MLLT3: variants seen among roughly 807,000 people sequenced by gnomAD.
MLLT3 encodes MLLT3 super elongation complex subunit.
MLLT3 carries 4 observed loss-of-function variants against 53.2 expected under a neutral mutation model. The observed-to-expected ratio is 0.08, with a 90% CI of 0.04 to 0.17. The LOEUF (loss-of-function observed/expected upper bound fraction) is 0.17, where lower values mean the gene tolerates loss of function less well. Ranked by LOEUF, MLLT3 falls within the 10% of genes least tolerant of loss-of-function variation. The pLI, the probability that MLLT3 is intolerant of heterozygous loss-of-function variation, is 1.00. For synonymous variants in MLLT3, 283 were observed against 230.6 expected, an observed-to-expected ratio of 1.23 and a Z score of -2.06; for missense variants, 569 against 684.0, an observed-to-expected ratio of 0.83 and a Z score of 1.87.
At position 20,346,241 on chromosome 9, in the gene MLLT3, TA is replaced by T. The variant is rs1327560221; in HGVS notation, c.*201del. 3.7e-6 allele frequency: 2 copies of T among 539,706 alleles called. No homozygotes were observed. The highest frequency in any genetic ancestry group is 7.6e-5 in the Admixed American group (2 of 26,394). 33.4% of individuals were successfully genotyped at this position (539,706 alleles called of 1,614,324 possible). Reference sequence around the variant, plus strand: ...GTGGTCCGCTGAGGCTGGTTTGCTTTAACCTCTCCTTTATCAAGAGATGATG... The same window carrying T: ...GTGGTCCGCTGAGGCTGGTTTGCTTTACCTCTCCTTTATCAAGAGATGATG... On this transcript the variant is annotated 3_prime_UTR_variant, in exon 11 of 11. Coordinates refer to ENST00000380338, the MANE Select transcript of MLLT3 (RefSeq NM_004529.4).
At chr9:20,607,845 C>T (rs1428707698) in intron 2 of MLLT3, among the ~76,000 whole-genome samples, 1 of 151,916 alleles carries the variant, frequency 6.6e-6, no homozygotes, top group African/African-American at 2.4e-5. Context: ...AATTAACCTC[C>T]TCATTTTGCG....
intron 2 of MLLT3, among the ~76,000 whole-genome samples, chr9:20,564,503 C>T (rs1163720158): frequency 1.3e-5 from 2 of 152,140 alleles, no homozygotes; most frequent in African/African-American, 2.4e-5. Flanking sequence ...ATAGCCTTTG[C>T]GTTCTCCAGC....
chr9:20,512,988 A>G (rs1271089595), intron 2 of MLLT3, among the ~76,000 whole-genome samples: 4 of 152,268 alleles, frequency 2.6e-5, no homozygotes, highest in Non-Finnish European at 5.9e-5. Flanking sequence ...CACATAAGAC[A>G]CCATATTAAG....
intron 2 of MLLT3, among the ~76,000 whole-genome samples, chr9:20,595,566 G>A (rs1321011763): frequency 1.3e-5 from 2 of 152,024 alleles, no homozygotes; most frequent in Non-Finnish European, 2.9e-5. Flanking sequence ...TCTATCATTT[G>A]AAACATAAGC....
chr9:20,617,258 A>T (rs1489029722), intron 2 of MLLT3, among the ~76,000 whole-genome samples: 4 of 152,178 alleles, frequency 2.6e-5, no homozygotes, highest in Non-Finnish European at 4.4e-5. Flanking sequence ...CCTTGATAAA[A>T]ACTTACCCAA....
intron 5 of MLLT3, among the ~76,000 whole-genome samples, chr9:20,406,693 G>A (rs1451730268): frequency 1.3e-5 from 2 of 152,132 alleles, no homozygotes; most frequent in Non-Finnish European, 2.9e-5. Context: ...CTATGACCGT[G>A]AAAGGCAAGA....
At chr9:20,424,404 A>G (rs1482016128) in intron 4 of MLLT3, among the ~76,000 whole-genome samples, 1 of 152,194 alleles carries the variant, frequency 6.6e-6, no homozygotes, top group Non-Finnish European at 1.5e-5. Context: ...GGGTTTCAGA[A>G]AACTGCAAGA....
chr9:20,359,562 A>C (rs1458634767), intron 8 of MLLT3, among the ~76,000 whole-genome samples: 1 of 152,264 alleles, frequency 6.6e-6, no homozygotes, highest in Non-Finnish European at 1.5e-5. Flanking sequence ...ATTCCTACTT[A>C]ACAAGAACGG....
intron 2 of MLLT3, among the ~76,000 whole-genome samples, chr9:20,616,251 A>C (rs764488107): frequency 4.6e-5 from 7 of 152,308 alleles, no homozygotes; most frequent in Admixed American, 6.5e-5. Flanking sequence ...CCATACAAGG[A>C]GTCTCTTAAA....
intron 2 of MLLT3, among the ~76,000 whole-genome samples, chr9:20,574,734 C>T (rs1478949661): frequency 6.6e-6 from 1 of 152,124 alleles, no homozygotes; most frequent in African/African-American, 2.4e-5. Context: ...GTTAAGGTGG[C>T]TGTGGCAACT....
intron 1 of MLLT3, 37 bp downstream of exon 1, chr9:20,622,208 G>A (rs1334163993): frequency 6.3e-7 from 1 of 1,588,238 alleles, no homozygotes; most frequent in Non-Finnish European, 8.6e-7. Context: ...AAGGAAAGTG[G>A]GGGAGGGCTT....
intron 2 of MLLT3, among the ~76,000 whole-genome samples, chr9:20,508,119 T>G (rs919944661): frequency 3.3e-5 from 5 of 152,172 alleles, no homozygotes; most frequent in Admixed American, 1.3e-4. Context: ...ATCACAGATT[T>G]TGAAACTGCT....
chr9:20,570,572 C>T lies in MLLT3; in HGVS notation c.193+50082G>A, dbSNP rs116086138. Among the ~76,000 whole-genome samples, 1,409 of 152,250 alleles carry T rather than the reference C, an allele frequency of 9.3e-3. 18 individuals carry two copies. Among genetic ancestry groups the T allele is most frequent in the African/African-American group, 0.03 (1,233 of 41,540 alleles). ...TCTATAACAACAAAACAGATTTAGA[C>T]ATATGTACATTTATGACATGAGTAG... On this transcript the variant is annotated intron_variant, in intron 2 of 10. Transcript: ENST00000380338.
intron 2 of MLLT3, among the ~76,000 whole-genome samples, chr9:20,569,577 T>C (rs1819475078): frequency 6.6e-6 from 1 of 152,150 alleles, no homozygotes; most frequent in Non-Finnish European, 1.5e-5. Context: ...TATAATATGC[T>C]TGATATTTCA....
chr9:20,582,761 T>C (rs2131176135), intron 2 of MLLT3, among the ~76,000 whole-genome samples: 1 of 152,210 alleles, frequency 6.6e-6, no homozygotes, highest in East Asian at 1.9e-4. Context: ...AGACATACTA[T>C]CGTGAGAATA....
chr9:20,418,647 C>T (rs947461265), intron 4 of MLLT3, among the ~76,000 whole-genome samples: 2 of 151,960 alleles, frequency 1.3e-5, no homozygotes, highest in African/African-American at 4.8e-5. Context: ...GCTGTGTTGC[C>T]CAGGCTGGAA....
At position 20,414,413 on chromosome 9, in the gene MLLT3, T is replaced by C. The variant is rs1167034803; in HGVS notation, c.433A>G (p.Ser145Gly). ...LLKAGGDPNR[S>G]IHTSSSSSSS... ...CTGCTGCTGCTGCTGGTATGAATAC[T>C]CCTATTAGGGTCCTGCAAAAAGGGG... Residue 145 changes from serine to glycine, a missense_variant, in exon 5 of 11, where the codon AGT becomes GGT. This residue lies in a region of MLLT3 where 39 missense variants were observed against 68.8 expected (regional missense o/e 0.57). Coordinates refer to ENST00000380338, the MANE Select transcript of MLLT3 (RefSeq NM_004529.4). The C allele has an allele frequency of 4.4e-6, 7 of 1,607,522 alleles. No homozygotes were observed. The African/African-American group carries it at 9.4e-5, about 21-fold the overall frequency.
chr9:20,577,663 G>T (rs1300518310), intron 2 of MLLT3, among the ~76,000 whole-genome samples: 2 of 152,156 alleles, frequency 1.3e-5, no homozygotes, highest in African/African-American at 4.8e-5. Context: ...ACAGACTTCT[G>T]CCAGACACAG....
chr9:20,544,310 G>A (rs892793027), intron 2 of MLLT3, among the ~76,000 whole-genome samples: 2 of 152,212 alleles, frequency 1.3e-5, no homozygotes, highest in South Asian at 2.1e-4. Flanking sequence ...AGACTAATGG[G>A]ACTATATATA....
Sources: gnomAD v4.1 joint callset for allele counts (sites outside exome capture counted in the v4.1 genomes callset) on GRCh38, gnomAD v4.1.1 for gene constraint, gnomAD v4.1.1 regional missense constraint, MANE v1.5 for transcripts, NCBI Gene and HGNC (gene_info 2026-07-23, HGNC 2026-07-21) for gene names.